KCNMB2: variants seen among roughly 807,000 people sequenced by gnomAD.
KCNMB2 encodes the protein potassium calcium-activated channel subfamily M regulatory beta subunit 2.
In KCNMB2, 9 loss-of-function variants were observed where a neutral mutation model predicts 24.5. The ratio of observed to expected loss-of-function variants is 0.37; its 90% CI spans 0.22 to 0.64. The LOEUF (loss-of-function observed/expected upper bound fraction) is 0.64, where lower values mean the gene tolerates loss of function less well. Among genes scored for constraint, KCNMB2 ranks in the 30% least tolerant of loss-of-function variants. The pLI is 0.63. For synonymous variants in KCNMB2, 109 were observed against 104.4 expected (o/e 1.04, Z -0.27); for missense variants, 226 against 284.3 (o/e 0.79, Z 1.47).
intron 1 of KCNMB2, among the ~76,000 whole-genome samples, chr3:178,624,887 G>A (rs1719055704): frequency 6.6e-6 from 1 of 152,082 alleles, no homozygotes; most frequent in Non-Finnish European, 1.5e-5. Context: ...TTCTCTGGTG[G>A]TTGGTGATTC....
chr3:178,772,494 T>C (rs1712414813), intron 1 of KCNMB2, among the ~76,000 whole-genome samples: 3 of 152,182 alleles, frequency 2.0e-5, no homozygotes, highest in Non-Finnish European at 4.4e-5. Context: ...CAAGCTCTCT[T>C]GTCTTGTCTG....
intron 1 of KCNMB2, among the ~76,000 whole-genome samples, chr3:178,665,486 G>C (rs760286411): frequency 1.2e-4 from 18 of 152,046 alleles, no homozygotes; most frequent in Non-Finnish European, 1.9e-4. Context: ...TTATTACATA[G>C]TGTTTCTTTA....
intron 1 of KCNMB2, among the ~76,000 whole-genome samples, chr3:178,567,926 C>G (rs536251199): frequency 6.6e-6 from 1 of 152,268 alleles, no homozygotes; most frequent in Non-Finnish European, 1.5e-5. Flanking sequence ...TCACAGTACA[C>G]TAGGTCTAAA....
At chr3:178,561,800 C>A (rs1716326687) in intron 1 of KCNMB2, among the ~76,000 whole-genome samples, 1 of 151,914 alleles carries the variant, frequency 6.6e-6, no homozygotes, top group Non-Finnish European at 1.5e-5. Flanking sequence ...GGAAGAGTGA[C>A]AAAATAAGAC....
At chr3:178,545,918 G>T (rs926227715) in intron 1 of KCNMB2, among the ~76,000 whole-genome samples, 1 of 152,134 alleles carries the variant, frequency 6.6e-6, no homozygotes, top group Non-Finnish European at 1.5e-5. Context: ...CTGTGAAGAT[G>T]ATCATTCACT....
chr3:178,702,371 T>C (rs1722131594), intron 1 of KCNMB2, among the ~76,000 whole-genome samples: 1 of 151,686 alleles, frequency 6.6e-6, no homozygotes, highest in Non-Finnish European at 1.5e-5. Context: ...ACATGGCACA[T>C]GTATACATAT....
intron 2 of KCNMB2, among the ~76,000 whole-genome samples, chr3:178,814,994 T>A (rs2108458848): frequency 6.6e-6 from 1 of 151,836 alleles, no homozygotes; most frequent in African/African-American, 2.4e-5. Flanking sequence ...ATTTGTCAAT[T>A]TTTGGTTTTG....
intron 1 of KCNMB2, among the ~76,000 whole-genome samples, chr3:178,687,088 G>A (rs78934499): frequency 5.3e-5 from 8 of 152,184 alleles, no homozygotes; most frequent in African/African-American, 1.9e-4. Flanking sequence ...AGTAGGGGTG[G>A]CTAAGGATAA....
intron 4 of KCNMB2, among the ~76,000 whole-genome samples, chr3:178,833,065 T>TGC (rs1197120672): frequency 1.8e-4 from 27 of 150,470 alleles, no homozygotes; most frequent in South Asian, 4.2e-4. Flanking sequence ...TTATTTCCAC[T>TGC]TACTTCTGCC....
intron 1 of KCNMB2, among the ~76,000 whole-genome samples, chr3:178,760,606 G>T (rs1012813407): frequency 1.3e-5 from 2 of 148,726 alleles, no homozygotes; most frequent in Non-Finnish European, 3.0e-5. Flanking sequence ...ACTTCTCTTT[G>T]TACCTATCAA....
intron 1 of KCNMB2, among the ~76,000 whole-genome samples, chr3:178,772,706 A>G (rs143634840): frequency 1.3e-5 from 2 of 152,232 alleles, no homozygotes; most frequent in Admixed American, 6.5e-5. Context: ...AATGCAGATA[A>G]CACTGCCTTG....
chr3:178,583,056 G>T (rs907005198), intron 1 of KCNMB2, among the ~76,000 whole-genome samples: 4 of 152,042 alleles, frequency 2.6e-5, no homozygotes, highest in African/African-American at 9.7e-5. Flanking sequence ...ATGTTCATTT[G>T]GTTATAAGAG....
chr3:178,567,685 C>T (rs1050484710), intron 1 of KCNMB2, among the ~76,000 whole-genome samples: 3 of 152,024 alleles, frequency 2.0e-5, no homozygotes, highest in Admixed American at 2.0e-4. Context: ...GACATTTGCG[C>T]CAGGACAAAT....
chr3:178,734,376 T>C (rs551962129), intron 1 of KCNMB2, among the ~76,000 whole-genome samples: 98 of 152,336 alleles, frequency 6.4e-4, no homozygotes, highest in African/African-American at 2.3e-3. Context: ...TTGTATCTTG[T>C]TTATTTTTGT....
chr3:178,712,711 C>T (rs1383700227), intron 1 of KCNMB2, among the ~76,000 whole-genome samples: 3 of 152,160 alleles, frequency 2.0e-5, no homozygotes, highest in Non-Finnish European at 2.9e-5. Flanking sequence ...AGGTCGTACA[C>T]GTGATAAATA....
intron 1 of KCNMB2, among the ~76,000 whole-genome samples, chr3:178,794,262 C>T (rs1199468667): frequency 6.6e-6 from 1 of 152,106 alleles, no homozygotes; most frequent in African/African-American, 2.4e-5. Flanking sequence ...CCTAGCTAGT[C>T]TCATGGTGCT....
intron 1 of KCNMB2, among the ~76,000 whole-genome samples, chr3:178,595,404 C>T (rs1234430350): frequency 6.6e-6 from 1 of 152,014 alleles, no homozygotes; most frequent in Non-Finnish European, 1.5e-5. Context: ...CTGAAAAGCC[C>T]GAGGTCCTGC....
intron 1 of KCNMB2, among the ~76,000 whole-genome samples, chr3:178,766,220 G>A (rs192940752): frequency 6.6e-6 from 1 of 152,018 alleles, no homozygotes; most frequent in African/African-American, 2.4e-5. Flanking sequence ...TTGAGATAGG[G>A]CCTTTCTCTG....
At chr3:178,788,913 C>T (rs1713212220) in intron 1 of KCNMB2, among the ~76,000 whole-genome samples, 1 of 152,216 alleles carries the variant, frequency 6.6e-6, no homozygotes, top group Non-Finnish European at 1.5e-5. Context: ...GTTCCCAACA[C>T]CCAACTCGGT....
Sources: gnomAD v4.1 joint callset for allele counts (sites outside exome capture counted in the v4.1 genomes callset) on GRCh38, gnomAD v4.1.1 for gene constraint, MANE v1.5 for transcripts, NCBI Gene and HGNC (gene_info 2026-07-23, HGNC 2026-07-21) for gene names.